Variants in ASRGL1 observed in about 807,000 individuals in gnomAD.
ASRGL1 encodes the protein isoaspartyl peptidase/L-asparaginase.
In ASRGL1, 16 loss-of-function variants were observed where a neutral mutation model predicts 22.4. The observed-to-expected ratio is 0.71, with a 90% confidence interval of 0.48 to 1.08. The LOEUF is 1.08. ASRGL1 is among the 50% of genes least tolerant of loss of function. The pLI is 0.00. For missense variants in ASRGL1, 412 were observed against 410.1 expected, an observed-to-expected ratio of 1.00 and a Z score of -0.04; for synonymous variants, 165 against 159.3, an observed-to-expected ratio of 1.04 and a Z score of -0.27.
At chr11:62,356,283 T>G in intron 2 of ASRGL1, 42 bp from the exon 3 acceptor site, 1 of 1,604,730 alleles carries the variant, frequency 6.2e-7, no homozygotes. Context: ...GGACGGGGCG[T>G]AAATTCTTAA....
intron 2 of ASRGL1, among the ~76,000 whole-genome samples, chr11:62,347,787 C>T (rs868136195): frequency 7.2e-5 from 11 of 152,130 alleles, no homozygotes; most frequent in African/African-American, 1.9e-4. Flanking sequence ...AAAAATTAGC[C>T]GGGCATGGTG....
In ASRGL1 at chr11:62,372,025, A is replaced by G. The variant is rs1204571752; in HGVS notation, c.491+14881A>G. ...GCAATATCCGTCAGAATTTGTGGGG[A>G]CCCCATAGGTATGGGTGCCTGGCGG... On this transcript the variant is annotated intron_variant, in intron 4 of 6. Transcript: ENST00000415229. 1.1e-5 allele frequency: 8 copies of G among 727,426 alleles called. No homozygotes were observed. The South Asian group carries it at 1.2e-4, about 11-fold the overall frequency. 45.1% of individuals were successfully genotyped at this position (727,426 alleles called of 1,614,324 possible). A position where few individuals can be genotyped will look rare whatever the true frequency, so the allele number is the denominator to read the frequency against.
intron 4 of ASRGL1, among the ~76,000 whole-genome samples, chr11:62,380,068 A>C (rs1025991385): frequency 6.6e-6 from 1 of 152,118 alleles, no homozygotes; most frequent in Non-Finnish European, 1.5e-5. Context: ...CCACAATTAT[A>C]ACATTTTCCC....
intron 5 of ASRGL1, chr11:62,389,896 G>A (rs1947300797): frequency 6.4e-6 from 1 of 156,358 alleles, no homozygotes; most frequent in African/African-American, 2.4e-5. Flanking sequence ...CTGCCCTAAA[G>A]AGCAGCTTAT....
At position 62,393,335 on chromosome 11, in the gene ASRGL1, C is replaced by G. The variant is rs1947387867; in HGVS notation, c.*1051C>G. 1 of 152,220 alleles carries G rather than the reference C, an allele frequency of 6.6e-6. No individual in the cohort carries two copies. The highest frequency in any genetic ancestry group is 2.1e-4 in the South Asian group (1 of 4,836). The allele number at this position is 152,220 out of a possible 1,614,324, so 9.4% of individuals were successfully genotyped here. On this transcript the variant is annotated 3_prime_UTR_variant, in exon 7 of 7. Coordinates refer to ENST00000415229, the MANE Select transcript of ASRGL1 (RefSeq NM_001083926.2). ...ATCCGTGCTCAACGTTTTAGTCTGT[C>G]AGGCTCACCTTCTCTCTGGAAAGAA...
At chr11:62,396,927 T>C (rs1351619770), downstream of ASRGL1, among the ~76,000 whole-genome samples, 1 of 152,204 alleles carries the variant, frequency 6.6e-6, no homozygotes. Flanking sequence ...CTTCCTGTCC[T>C]ATCTCTGTAA....
At chr11:62,362,813 T>TACAC (rs57501048) in intron 4 of ASRGL1, among the ~76,000 whole-genome samples, 10,546 of 83,782 alleles carry the variant, frequency 0.13, 809 homozygotes, top group African/African-American at 0.16. Context: ...TTATCTGACA[T>TACAC]ACACACACAC....
chr11:62,372,582 C>T, intron 4 of ASRGL1: 2 of 887,096 alleles, frequency 2.3e-6, no homozygotes, highest in South Asian at 1.3e-5. Context: ...ACAGATTCTG[C>T]CTGTACCAAA....
intron 2 of ASRGL1, among the ~76,000 whole-genome samples, chr11:62,342,965 TA>T (rs1945904645): frequency 6.6e-6 from 1 of 152,234 alleles, no homozygotes. Context: ...TTGGGGCCAT[TA>T]TAAATAAAAT....
At chr11:62,357,281 T>C in intron 4 of ASRGL1, 137 bp downstream of exon 4, 10 of 772,614 alleles carry the variant, frequency 1.3e-5, no homozygotes, top group Non-Finnish European at 3.7e-6. Flanking sequence ...ACGGAGTCTC[T>C]CTCTGTTGCC....
At chr11:62,397,408 G>A (rs1435486442), downstream of ASRGL1, among the ~76,000 whole-genome samples, 1 of 151,978 alleles carries the variant, frequency 6.6e-6, no homozygotes, top group Non-Finnish European at 1.5e-5. Flanking sequence ...GCTCATGCTT[G>A]TAATCCCAGC....
chr11:62,370,001 C>T (rs905644937), intron 4 of ASRGL1, among the ~76,000 whole-genome samples: 10 of 152,102 alleles, frequency 6.6e-5, no homozygotes, highest in African/African-American at 2.4e-4. Context: ...CAATGGTTAA[C>T]AAAGTTTACT....
rs1946754911 is a variant in ASRGL1 at position 62,371,274 on chromosome 11, T to TG, written c.491+14132dup. 2.2e-6 allele frequency: 3 copies of TG among 1,354,334 alleles called. No homozygotes were observed. The East Asian group carries it at 9.0e-5, about 41-fold the overall frequency. 83.9% of individuals were successfully genotyped at this position (1,354,334 alleles called of 1,614,324 possible). A position where few individuals can be genotyped will look rare whatever the true frequency, so the allele number is the denominator to read the frequency against. On this transcript the variant is annotated intron_variant, in intron 4 of 6. Transcript: ENST00000415229. The stretch of plus-strand genomic sequence containing the variant: ...CCGAGCGCTGCAGTAGCAGCAGTGG[T>TG]GGCAGCAGCAGCAGCGGCGACGAGG...
intron 2 of ASRGL1, among the ~76,000 whole-genome samples, chr11:62,355,363 C>G (rs1390387250): frequency 6.6e-6 from 1 of 151,998 alleles, no homozygotes; most frequent in Non-Finnish European, 1.5e-5. Context: ...GTAGCTGTGA[C>G]TACAGGTGCG....
At chr11:62,371,766 C>T in intron 4 of ASRGL1, 1 of 494,494 alleles carries the variant, frequency 2.0e-6, no homozygotes, top group Non-Finnish European at 3.8e-6. Context: ...TCCTGGCTAA[C>T]ACGGTGAAAC....
At chr11:62,388,830 CT>C (rs1004472447) in intron 4 of ASRGL1, among the ~76,000 whole-genome samples, 8 of 152,100 alleles carry the variant, frequency 5.3e-5, no homozygotes, top group African/African-American at 1.7e-4. Context: ...AGCACTCTTA[CT>C]TTTATCCCCA....
At chr11:62,362,813 T>TACACACAC (rs57501048) in intron 4 of ASRGL1, among the ~76,000 whole-genome samples, 1,134 of 83,834 alleles carry the variant, frequency 0.014, 34 homozygotes, top group African/African-American at 0.028. Flanking sequence ...TTATCTGACA[T>TACACACAC]ACACACACAC....
rs1490579230 is a variant in ASRGL1 at position 62,338,142 on chromosome 11, G to A, written c.165G>A (p.Leu55=). ...VDAVEGAVVA[L]EDDPEFNAGC... ...CCGTAGAGGGAGCTGTCGTCGCCCT[G>A]GAAGACGATCCCGAGTTCAACGCAG... is the stretch of plus-strand genomic sequence containing the variant. The change falls in exon 2 of 7, where the codon CTG becomes CTA. Residue 55 remains leucine, a synonymous_variant. Transcript: ENST00000415229. 1 of 1,586,322 alleles carries A rather than the reference G, an allele frequency of 6.3e-7. No individual in the cohort carries two copies. Among genetic ancestry groups the A allele is most frequent in the African/African-American group, 1.3e-5 (1 of 74,088 alleles).
intron 4 of ASRGL1, among the ~76,000 whole-genome samples, chr11:62,362,921 TTTTTTTTTTTTTTTTG>T (rs1565162779): frequency 3.1e-5 from 2 of 64,138 alleles, no homozygotes; most frequent in African/African-American, 6.8e-5. Context: ...TTTTTTTTTT[TTTTTTTTTTTTTTTTG>T]AGACAGAGTC....
Sources: gnomAD v4.1 joint callset for allele counts (sites outside exome capture counted in the v4.1 genomes callset) on GRCh38, gnomAD v4.1.1 for gene constraint, MANE v1.5 for transcripts, NCBI Gene and HGNC (gene_info 2026-07-23, HGNC 2026-07-21) for gene names.